The following CDYL variants were observed in gnomAD, a reference collection of about 807,000 sequenced individuals.
CDYL encodes the protein chromodomain Y-like protein.
A neutral mutation model predicts 47.3 loss-of-function variants in CDYL; 8 were observed. That is an observed-to-expected ratio of 0.17 (90% CI 0.10 to 0.31). The LOEUF is 0.31. Among genes scored for constraint, CDYL ranks in the 10% least tolerant of loss-of-function variants. The pLI, the probability that CDYL is intolerant of heterozygous loss-of-function variation, is 1.00. For missense variants in CDYL, 471 were observed against 701.4 expected (o/e 0.67, Z 3.71); for synonymous variants, 266 against 265.0 (o/e 1.00, Z -0.04).
At chr6:4,767,602 G>A (rs1211145257) in intron 3 of CDYL, among the ~76,000 whole-genome samples, 1 of 151,908 alleles carries the variant, frequency 6.6e-6, no homozygotes, top group African/African-American at 2.4e-5. Flanking sequence ...TGAGGGGAGG[G>A]GAGGGGAGGG....
At chr6:4,851,262 A>T (rs1760818576) in intron 1 of CDYL, among the ~76,000 whole-genome samples, 1 of 152,242 alleles carries the variant, frequency 6.6e-6, no homozygotes, top group Non-Finnish European at 1.5e-5. Context: ...CAGGGTGGTG[A>T]GAATCAAATG....
chr6:4,819,814 G>A (rs1234389439), intron 1 of CDYL, among the ~76,000 whole-genome samples: 6 of 152,002 alleles, frequency 3.9e-5, no homozygotes, highest in Non-Finnish European at 1.5e-5. Context: ...GCATCTTATG[G>A]GTAGAGGCCA....
intron 2 of CDYL, among the ~76,000 whole-genome samples, chr6:4,895,715 A>C (rs541946111): frequency 1.7e-4 from 26 of 152,126 alleles, no homozygotes; most frequent in African/African-American, 5.6e-4. Context: ...TAGTTCTTTC[A>C]AAATGAACTG....
intron 1 of CDYL, among the ~76,000 whole-genome samples, chr6:4,835,573 C>T (rs1029763789): frequency 1.2e-4 from 19 of 152,206 alleles, no homozygotes; most frequent in Non-Finnish European, 2.1e-4. Flanking sequence ...TCTCCAGCTG[C>T]GTGCTGGGAG....
intron 1 of CDYL, among the ~76,000 whole-genome samples, chr6:4,710,359 GGGAA>G (rs989532190): frequency 1.3e-5 from 1 of 77,016 alleles, no homozygotes; most frequent in Non-Finnish European, 3.0e-5. Context: ...AAGGGAGGGA[GGGAA>G]GGAGGGAGGG....
Position 4,787,835 on chromosome 6 carries a change from C to T in CDYL, c.24+11028C>T, listed in dbSNP as rs548644330. On this transcript the variant is annotated intron_variant, in intron 1 of 6. Transcript: ENST00000397588. ...TTGCCCAGGCTGGAGGGCAATGGCA[C>T]GATCTCGGCTCACTGCAACCTCTGC... is the stretch of plus-strand genomic sequence containing the variant. 3.6e-5 allele frequency among the ~76,000 whole-genome samples: 5 copies of T among 137,702 alleles called. No homozygotes were observed. In the East Asian group the frequency reaches 6.6e-4, roughly 18 times the overall value. The allele number at this position is 137,702 out of a possible 152,430, so 90.3% of individuals were successfully genotyped here. A position where few individuals can be genotyped will look rare whatever the true frequency, so the allele number is the denominator to read the frequency against.
At chr6:4,785,276 A>G (rs989430073) in intron 1 of CDYL, among the ~76,000 whole-genome samples, 1 of 152,168 alleles carries the variant, frequency 6.6e-6, no homozygotes, top group African/African-American at 2.4e-5. Context: ...TTCTGAGAAC[A>G]TATCACTGTA....
chr6:4,787,898 A>G (rs547629810), intron 1 of CDYL, among the ~76,000 whole-genome samples: 1 of 144,300 alleles, frequency 6.9e-6, no homozygotes, highest in African/African-American at 2.6e-5. Context: ...CTGCCTCTCC[A>G]GTGGCTGGGA....
chr6:4,880,169 T>G (rs1761726916), intron 1 of CDYL, among the ~76,000 whole-genome samples: 1 of 152,150 alleles, frequency 6.6e-6, no homozygotes, highest in South Asian at 2.1e-4. Context: ...CTAGAAATCC[T>G]TTGTGCTCTG....
intron 1 of CDYL, among the ~76,000 whole-genome samples, chr6:4,831,866 GCTCT>G (rs1263643719): frequency 6.6e-6 from 1 of 151,864 alleles, no homozygotes; most frequent in Non-Finnish European, 1.5e-5. Flanking sequence ...TCATGATTTG[GCTCT>G]CTGTTTGTCT....
At chr6:4,772,903 TC>T (rs1200299044), upstream of CDYL, 4 of 348,520 alleles carry the variant, frequency 1.1e-5, no homozygotes, top group Non-Finnish European at 1.7e-5. Flanking sequence ...TTCTGTCCCA[TC>T]CCCCATCTCC....
rs1388352249 is a variant in CDYL, at chr6:4,815,980, T to TTTTC, written c.24+39176_24+39177insCTTT. ...TTTGAGTATTTTTATAGGTTTTTTTTTTTTTTGACGTTATCCTATTGGAGG... is the reference window on the plus strand; with the variant it reads ...TTTGAGTATTTTTATAGGTTTTTTTTTTTCTTTTTTGACGTTATCCTATTGGAGG... On this transcript the variant is annotated intron_variant, in intron 1 of 6. Transcript: ENST00000397588. Among the ~76,000 whole-genome samples, 1,054 of 151,396 alleles carry TTTTC rather than the reference T, an allele frequency of 7.0e-3. 14 individuals carry two copies. Among genetic ancestry groups the TTTTC allele is most frequent in the African/African-American group, 0.025 (1,021 of 41,378 alleles).
intron 1 of CDYL, among the ~76,000 whole-genome samples, chr6:4,798,486 C>T (rs1251730759): frequency 6.6e-6 from 1 of 152,146 alleles, no homozygotes; most frequent in Non-Finnish European, 1.5e-5. Context: ...AGATTTCTTA[C>T]CTTTGATAGT....
At chr6:4,778,271 A>G (rs6939203) in intron 1 of CDYL, among the ~76,000 whole-genome samples, 13,232 of 151,976 alleles carry the variant, frequency 0.087, 1,629 homozygotes, top group African/African-American at 0.27. Context: ...ATGAGTGTTC[A>G]CTCTTGGCAT....
intron 1 of CDYL, among the ~76,000 whole-genome samples, chr6:4,803,995 C>G (rs1218358441): frequency 1.7e-5 from 2 of 117,740 alleles, no homozygotes; most frequent in Admixed American, 1.7e-4. Context: ...TTTTTTTTTG[C>G]TCTCCTAAGT....
At chr6:4,880,507 G>C (rs1033447268) in intron 1 of CDYL, among the ~76,000 whole-genome samples, 1 of 152,096 alleles carries the variant, frequency 6.6e-6, no homozygotes, top group Non-Finnish European at 1.5e-5. Context: ...TATTTGTTTG[G>C]AAAGTTTTTA....
At position 4,721,275 on chromosome 6, in the gene CDYL, T is replaced by TA. The variant is rs200355526; in HGVS notation, c.103+5401dup. 6.3e-3 allele frequency among the ~76,000 whole-genome samples: 952 copies of TA among 152,236 alleles called. 11 individuals carry two copies. Among genetic ancestry groups the TA allele is most frequent in the African/African-American group, 0.021 (891 of 41,544 alleles). ...AGTCCTTCTCTTATTTCCTTTTTCTTAAAAAAATTGAATGTATTTTGCTAA... is the reference window on the plus strand; with the variant it reads ...AGTCCTTCTCTTATTTCCTTTTTCTTAAAAAAAATTGAATGTATTTTGCTAA... On this transcript the variant is annotated intron_variant, in intron 2 of 8. Coordinates refer to the CDYL transcript ENST00000328908.
chr6:4,744,615 G>A (rs1757855906), intron 3 of CDYL, among the ~76,000 whole-genome samples: 1 of 152,178 alleles, frequency 6.6e-6, no homozygotes, highest in African/African-American at 2.4e-5. Context: ...TTGTCACTGT[G>A]TGCCAGGCAG....
chr6:4,903,988 TC>T (rs1194909968), intron 2 of CDYL, among the ~76,000 whole-genome samples: 2 of 152,178 alleles, frequency 1.3e-5, no homozygotes, highest in African/African-American at 4.8e-5. Context: ...GCCCCTGACT[TC>T]CAGGAGCTCA....
Sources: gnomAD v4.1 joint callset for allele counts (sites outside exome capture counted in the v4.1 genomes callset) on GRCh38, gnomAD v4.1.1 for gene constraint, MANE v1.5 for transcripts, NCBI Gene and HGNC (gene_info 2026-07-23, HGNC 2026-07-21) for gene names.